Variants in PLD3 observed in about 807,000 individuals in gnomAD.
The protein encoded by PLD3 is 5'-3' exonuclease PLD3.
Under a neutral mutation model 58.4 loss-of-function variants are expected in PLD3, and 31 were observed. The observed-to-expected ratio is 0.53, with a 90% CI of 0.40 to 0.72. The LOEUF (loss-of-function observed/expected upper bound fraction) is 0.72, where lower values mean the gene tolerates loss of function less well. Among genes scored for constraint, PLD3 ranks in the 30% least tolerant of loss-of-function variants. The probability of loss-of-function intolerance (pLI) is 0.00; values close to 1 mark genes in which losing one functional copy is unlikely to be tolerated. For synonymous variants in PLD3, 264 were observed against 273.4 expected (o/e 0.97, Z 0.34); for missense variants, 595 against 659.8 (o/e 0.90, Z 1.08).
At chr19:40,366,732 T>TGCC (rs1395160524) in intron 4 of PLD3, 41 bp from the exon 5 acceptor site, 2 of 1,613,806 alleles carry the variant, frequency 1.2e-6, no homozygotes, top group Non-Finnish European at 8.5e-7. Context: ...CAGGCTGGGC[T>TGCC]GCCCCCCTCG....
chr19:40,366,783 G>A lies in PLD3; in HGVS notation c.113G>A (p.Trp38Ter), dbSNP rs1453215241. Residue 38 changes from tryptophan to a stop codon, truncating the protein, a stop_gained, in exon 5 of 13, where the codon TGG becomes TAG. Coordinates refer to ENST00000409735, the MANE Select transcript of PLD3 (RefSeq NM_012268.4). LOFTEE classifies it high-confidence loss of function. The stretch of plus-strand genomic sequence containing the variant: ...TCCTCCTCCCCACAGAAAGCCCGCT[G>A]GGTCCTGCTGGTCCTCATTCTGGCG... The part of the protein sequence containing the change: ...AWKAAEKKAR[W>*]VLLVLILAVV... 1 of 1,613,910 alleles carries A rather than the reference G, an allele frequency of 6.2e-7. No individual in the cohort carries two copies. The highest frequency in any genetic ancestry group is 2.2e-5 in the East Asian group (1 of 44,872).
At chr19:40,368,223 C>T (rs985731275) in intron 6 of PLD3, among the ~76,000 whole-genome samples, 7 of 152,322 alleles carry the variant, frequency 4.6e-5, no homozygotes, top group African/African-American at 9.6e-5. Flanking sequence ...CAGGGGCCAC[C>T]TCCCAGCTGT....
Position 40,371,753 on chromosome 19 carries a change from C to A in PLD3, c.759C>A (p.Phe253Leu), listed in dbSNP as rs1044181417. Reference protein sequence around the residue: ...DLTKIFEAYWFLGQAGSSIPS... With the variant: ...DLTKIFEAYWLLGQAGSSIPS... ...CCAAGATCTTTGAGGCCTACTGGTT[C>A]CTGGGCCAGGCAGGCAGCTCCATCC... Residue 253 changes from phenylalanine (F) to leucine (L), a missense_variant, in exon 9 of 13, where the codon TTC becomes TTA. Physicochemically the swap from Phe to Leu is conservative, Grantham distance 22. Transcript: ENST00000409735. 6.2e-7 allele frequency: 1 copy of A among 1,613,978 alleles called. No homozygotes were observed. Among genetic ancestry groups the A allele is most frequent in the Non-Finnish European group, 8.5e-7 (1 of 1,179,926 alleles).
chr19:40,370,271 C>A, intron 8 of PLD3, 34 bp downstream of exon 8: 1 of 1,593,162 alleles, frequency 6.3e-7, no homozygotes, highest in African/African-American at 1.3e-5. Flanking sequence ...TCCTTCCAGG[C>A]CACTCCCTGC....
chr19:40,376,712 C>A lies in PLD3; in HGVS notation c.1123C>A (p.Arg375=). The A allele has an allele frequency of 6.2e-7, 1 of 1,603,264 alleles. No homozygotes were observed. The highest frequency in any genetic ancestry group is 1.1e-5 in the South Asian group (1 of 91,088). Residue 375 remains arginine, a synonymous_variant, in exon 11 of 13, where the codon CGG becomes AGG. Coordinates refer to ENST00000409735, the MANE Select transcript of PLD3 (RefSeq NM_012268.4). ...CTGGGGACACTCGGAGCCATCCATG[C>A]GGGCCTTCCTGCTCTCTCTGGCTGC... The part of the protein sequence containing the change: ...SCWGHSEPSM[R]AFLLSLAALR...
Position 40,377,864 on chromosome 19 carries a change from A to G in PLD3, c.1264A>G (p.Thr422Ala), listed in dbSNP as rs138111948. The G allele has an allele frequency of 6.2e-6, 10 of 1,613,782 alleles. No homozygotes were observed. The highest frequency in any genetic ancestry group is 8.5e-6 in the Non-Finnish European group (10 of 1,179,868). Residue 422 changes from threonine to alanine, a missense_variant, in exon 12 of 13, where the codon ACT becomes GCT. Coordinates refer to ENST00000409735, the MANE Select transcript of PLD3 (RefSeq NM_012268.4). ...TGTCAACCACAACAAGTACATGGTGACTGAACGCGCCACCTACATCGGTGA... is the reference window on the plus strand; with the variant it reads ...TGTCAACCACAACAAGTACATGGTGGCTGAACGCGCCACCTACATCGGTGA... ...ARVNHNKYMV[T>A]ERATYIGTSN...
At chr19:40,371,342 G>A in intron 8 of PLD3, 1 of 297,640 alleles carries the variant, frequency 3.4e-6, no homozygotes, top group East Asian at 6.5e-5. Context: ...GACTGTGAGA[G>A]CCCAGAGGAA....
chr19:40,369,858 G>T (rs770021429), intron 6 of PLD3, 50 bp from the exon 7 acceptor site: 1 of 1,503,260 alleles, frequency 6.7e-7, no homozygotes, highest in Admixed American at 2.3e-5. Flanking sequence ...ACCTTGTGGG[G>T]TTGGAGAGCT....
At chr19:40,364,645 A>T (rs1185562881) in intron 1 of PLD3, among the ~76,000 whole-genome samples, 1 of 151,526 alleles carries the variant, frequency 6.6e-6, no homozygotes, top group Admixed American at 6.6e-5. Context: ...ACAAAAAAAA[A>T]ATTAGCCGGG....
chr19:40,349,446 G>C (rs1023437356), intron 1 of PLD3, among the ~76,000 whole-genome samples: 2 of 151,958 alleles, frequency 1.3e-5, no homozygotes, highest in Non-Finnish European at 2.9e-5. Context: ...CATAACATAC[G>C]GGGTACTGCA....
chr19:40,352,344 G>A (rs1041669790), intron 1 of PLD3, among the ~76,000 whole-genome samples: 1 of 152,094 alleles, frequency 6.6e-6, no homozygotes, highest in East Asian at 1.9e-4. Flanking sequence ...TTGAGAGGCC[G>A]GCGCCACCAC....
chr19:40,374,877 C>G (rs756190226), intron 10 of PLD3: 1 of 493,222 alleles, frequency 2.0e-6, no homozygotes, highest in Non-Finnish European at 3.7e-6. Context: ...ATGAGAGGGC[C>G]GGGCGTGGTG....
rs776231271 is a variant in PLD3, at chr19:40,377,936, CA to C, written c.1286-49del. ...GCTGAAGAAGAGGGGGTTCAGACAC[CA>C]GGGGCGGCCCCCCGAGGGTGCCCTT... is the stretch of plus-strand genomic sequence containing the variant. On this transcript the variant is annotated intron_variant, in intron 12 of 12. Transcript: ENST00000409735. 4 of 1,612,418 alleles carry C rather than the reference CA, an allele frequency of 2.5e-6. No individual in the cohort carries two copies. In the South Asian group the frequency reaches 3.3e-5, roughly 13 times the overall value.
At chr19:40,360,738 G>A (rs2078761754) in intron 1 of PLD3, 1 of 151,966 alleles carries the variant, frequency 6.6e-6, no homozygotes, top group Admixed American at 6.6e-5. Context: ...GGCATTGCTG[G>A]GTTTATGGCC....
At chr19:40,360,784 CCTT>C (rs1006654044) in intron 1 of PLD3, among the ~76,000 whole-genome samples, 2 of 152,200 alleles carry the variant, frequency 1.3e-5, no homozygotes, top group East Asian at 1.9e-4. Context: ...GTTCACATGA[CCTT>C]CTGCCTGTTC....
chr19:40,350,459 T>C (rs1459350234), intron 1 of PLD3, among the ~76,000 whole-genome samples: 1 of 150,844 alleles, frequency 6.6e-6, no homozygotes, highest in African/African-American at 2.4e-5. Flanking sequence ...GACAAAAATA[T>C]CTCGGCCTGG....
At chr19:40,352,888 A>C (rs2078553929) in intron 1 of PLD3, among the ~76,000 whole-genome samples, 1 of 152,270 alleles carries the variant, frequency 6.6e-6, no homozygotes, top group East Asian at 1.9e-4. Flanking sequence ...ACTTGAGCCC[A>C]GGAGTTCCAG....
intron 10 of PLD3, 22 bp downstream of exon 10, chr19:40,374,642 G>C (rs779877064): frequency 3.1e-6 from 5 of 1,613,542 alleles, no homozygotes; most frequent in Non-Finnish European, 4.2e-6. Context: ...TGTGGAGATA[G>C]GGAGCCGCTG....
intron 1 of PLD3, among the ~76,000 whole-genome samples, chr19:40,353,710 C>T (rs1231405250): frequency 6.6e-6 from 1 of 151,210 alleles, no homozygotes; most frequent in Non-Finnish European, 1.5e-5. Context: ...TCCCGAGTAG[C>T]TGGGACTACA....
Sources: allele counts gnomAD v4.1 joint callset (sites outside exome capture counted in the v4.1 genomes callset), GRCh38; gene constraint gnomAD v4.1.1; transcripts MANE v1.5; gene names NCBI Gene and HGNC (gene_info 2026-07-23, HGNC 2026-07-21).